The following EIPR1 variants were observed in gnomAD, a reference collection of about 807,000 sequenced individuals.
EIPR1 encodes EARP and GARP complex-interacting protein 1.
Under a neutral mutation model 48.1 loss-of-function variants are expected in EIPR1, and 25 were observed. That is an observed-to-expected ratio of 0.52 (90% CI 0.38 to 0.73). The LOEUF (loss-of-function observed/expected upper bound fraction) is 0.73, where lower values mean the gene tolerates loss of function less well. Among genes scored for constraint, EIPR1 ranks in the 30% least tolerant of loss-of-function variants. EIPR1 has a pLI of 0.00. For synonymous variants in EIPR1, 204 were observed against 201.9 expected (o/e 1.01, Z -0.09); for missense variants, 415 against 506.2 (o/e 0.82, Z 1.73).
At chr2:3,295,983 C>T (rs1572408807) in intron 3 of EIPR1, among the ~76,000 whole-genome samples, 1 of 127,002 alleles carries the variant, frequency 7.9e-6, no homozygotes, top group Non-Finnish European at 1.7e-5. Flanking sequence ...GCACACACAC[C>T]CTCCATCCAG....
intron 4 of EIPR1, among the ~76,000 whole-genome samples, chr2:3,254,987 C>G (rs975169282): frequency 9.2e-5 from 14 of 152,120 alleles, no homozygotes; most frequent in African/African-American, 3.4e-4. Flanking sequence ...CTCTCTGTTA[C>G]TCCTATAACT....
chr2:3,309,700 G>A (rs1669062522), intron 3 of EIPR1, among the ~76,000 whole-genome samples: 1 of 152,148 alleles, frequency 6.6e-6, no homozygotes, highest in Admixed American at 6.5e-5. Context: ...AAAATGGCCG[G>A]CGCTCGACCA....
intron 4 of EIPR1, among the ~76,000 whole-genome samples, chr2:3,219,038 TCA>T (rs1308955664): frequency 6.6e-6 from 1 of 151,050 alleles, no homozygotes; most frequent in African/African-American, 2.4e-5. Context: ...TCTAGAGCAT[TCA>T]CAGTGACTCA....
chr2:3,191,650 G>A (rs750703104), intron 8 of EIPR1, among the ~76,000 whole-genome samples: 8 of 152,126 alleles, frequency 5.3e-5, no homozygotes, highest in Non-Finnish European at 1.2e-4. Flanking sequence ...GAATCTCTGC[G>A]GTTGCAACTG....
chr2:3,281,798 A>G (rs1668018099), intron 3 of EIPR1, among the ~76,000 whole-genome samples: 1 of 152,260 alleles, frequency 6.6e-6, no homozygotes, highest in Non-Finnish European at 1.5e-5. Context: ...TGGATTTTCC[A>G]TATCTTTTCA....
intron 4 of EIPR1, among the ~76,000 whole-genome samples, chr2:3,218,232 CACG>C (rs1665715066): frequency 9.3e-5 from 14 of 149,966 alleles, no homozygotes; most frequent in Admixed American, 9.3e-4. Context: ...GCACACTCAA[CACG>C]ACCCTGATAT....
chr2:3,190,766 G>T lies in EIPR1; in HGVS notation c.990-1258C>A, dbSNP rs376774669. On this transcript the variant is annotated intron_variant, in intron 8 of 8. Coordinates refer to ENST00000382125, the MANE Select transcript of EIPR1 (RefSeq NM_003310.5). ...GACCACTGGGCAGATGCTACCGTGC[G>T]TGTGCTTAAATACTATTCTATGGCA... is the stretch of plus-strand genomic sequence containing the variant. 3.9e-5 allele frequency among the ~76,000 whole-genome samples: 6 copies of T among 152,100 alleles called. 1 individual carries two copies. The highest frequency in any genetic ancestry group is 1.9e-4 in the East Asian group (1 of 5,184).
intron 4 of EIPR1, among the ~76,000 whole-genome samples, chr2:3,228,731 A>G (rs79015881): frequency 3.3e-5 from 5 of 150,002 alleles, no homozygotes; most frequent in Non-Finnish European, 7.4e-5. Flanking sequence ...AATTTCTCCC[A>G]TGCTGTTCTT....
chr2:3,261,531 G>A (rs1667335250), intron 3 of EIPR1, among the ~76,000 whole-genome samples: 1 of 152,160 alleles, frequency 6.6e-6, no homozygotes, highest in African/African-American at 2.4e-5. Flanking sequence ...TACCCAAAGG[G>A]ACCCACGGCC....
chr2:3,290,689 C>T (rs1213932491), intron 3 of EIPR1, among the ~76,000 whole-genome samples: 2 of 152,180 alleles, frequency 1.3e-5, no homozygotes, highest in African/African-American at 4.8e-5. Context: ...CAGCAAGGGA[C>T]CACATTCTCC....
At chr2:3,314,168 T>C (rs1363909571) in intron 3 of EIPR1, among the ~76,000 whole-genome samples, 2 of 152,212 alleles carry the variant, frequency 1.3e-5, no homozygotes, top group East Asian at 3.8e-4. Flanking sequence ...GCCAGCGTGA[T>C]CTACAGTCTT....
At chr2:3,372,662 C>G (rs971420713) in intron 1 of EIPR1, among the ~76,000 whole-genome samples, 2 of 152,164 alleles carry the variant, frequency 1.3e-5, no homozygotes, top group Non-Finnish European at 2.9e-5. Context: ...CACATACACT[C>G]TCCCAAGACT....
chr2:3,240,586 C>T (rs1368814882), intron 4 of EIPR1, among the ~76,000 whole-genome samples: 4 of 138,568 alleles, frequency 2.9e-5, no homozygotes, highest in Admixed American at 7.2e-5. Context: ...CCAGCAGACC[C>T]TTCCTAAAGA....
At chr2:3,274,184 A>G (rs1667780034) in intron 3 of EIPR1, among the ~76,000 whole-genome samples, 1 of 152,232 alleles carries the variant, frequency 6.6e-6, no homozygotes, top group African/African-American at 2.4e-5. Context: ...AGTGGGGTGC[A>G]CAGGAAAAAC....
At chr2:3,228,180 G>C (rs189913660) in intron 4 of EIPR1, among the ~76,000 whole-genome samples, 6 of 152,362 alleles carry the variant, frequency 3.9e-5, no homozygotes, top group African/African-American at 1.4e-4. Context: ...GCAGCCAGTC[G>C]GGTGTACCCT....
intron 1 of EIPR1, among the ~76,000 whole-genome samples, chr2:3,363,367 C>T (rs1670895653): frequency 6.6e-6 from 1 of 152,100 alleles, no homozygotes; most frequent in Admixed American, 6.6e-5. Flanking sequence ...AATCATAAAA[C>T]TTAATGAAGG....
At chr2:3,250,729 T>A (rs1666977877) in intron 4 of EIPR1, among the ~76,000 whole-genome samples, 1 of 152,172 alleles carries the variant, frequency 6.6e-6, no homozygotes, top group Non-Finnish European at 1.5e-5. Context: ...TGAGCACCCG[T>A]CCCTTGGTGA....
At chr2:3,347,201 T>C (rs1156487803) in intron 2 of EIPR1, among the ~76,000 whole-genome samples, 1 of 152,176 alleles carries the variant, frequency 6.6e-6, no homozygotes, top group Non-Finnish European at 1.5e-5. Context: ...CTTTTCTTCA[T>C]GAATTACCCA....
intron 5 of EIPR1, among the ~76,000 whole-genome samples, chr2:3,198,689 C>T (rs542840148): frequency 4.6e-5 from 7 of 152,160 alleles, no homozygotes; most frequent in African/African-American, 9.6e-5. Flanking sequence ...CATGATGCCC[C>T]GTGAGCCGTA....
Sources: gnomAD v4.1 joint callset for allele counts (sites outside exome capture counted in the v4.1 genomes callset) on GRCh38, gnomAD v4.1.1 for gene constraint, MANE v1.5 for transcripts, NCBI Gene and HGNC (gene_info 2026-07-23, HGNC 2026-07-21) for gene names.